Variants in SPOCK3 observed in about 807,000 individuals in gnomAD.
SPOCK3 encodes the protein testican-3.
A neutral mutation model predicts 56.6 loss-of-function variants in SPOCK3; 30 were observed. That is an observed-to-expected ratio of 0.53 (90% CI 0.40 to 0.72). The LOEUF is 0.72. Ranked by LOEUF, SPOCK3 falls within the 30% of genes least tolerant of loss-of-function variation. The pLI is 0.00. For missense variants in SPOCK3, 527 were observed against 530.0 expected, an observed-to-expected ratio of 0.99 and a Z score of 0.06; for synonymous variants, 196 against 183.3, an observed-to-expected ratio of 1.07 and a Z score of -0.56.
rs112074320 is a variant in SPOCK3, at chr4:167,165,091, G to A, written c.189+68894C>T. On this transcript the variant is annotated intron_variant, in intron 2 of 10. Coordinates refer to ENST00000357545, the MANE Select transcript of SPOCK3 (RefSeq NM_001040159.2). ...AGTGTTCATATTTCTCCACAAATTC[G>A]CCAGCATCTATTGTTTTCTGACTTT... 8.0e-3 allele frequency among the ~76,000 whole-genome samples: 1,213 copies of A among 152,026 alleles called. 20 individuals are homozygous for A. The highest frequency in any genetic ancestry group is 0.027 in the African/African-American group (1,135 of 41,486).
intron 2 of SPOCK3, among the ~76,000 whole-genome samples, chr4:167,221,702 T>C (rs1271102450): frequency 2.0e-5 from 3 of 152,178 alleles, no homozygotes. Flanking sequence ...TATGAAAATA[T>C]GCTCAACATT....
At chr4:166,973,356 T>A (rs1374256118) in intron 4 of SPOCK3, among the ~76,000 whole-genome samples, 6 of 152,132 alleles carry the variant, frequency 3.9e-5, no homozygotes, top group African/African-American at 1.4e-4. Context: ...AGTGTGAAAG[T>A]GAATTAATAC....
In SPOCK3 at chr4:166,994,081, T is replaced by G. The variant is rs1393264989; in HGVS notation, c.350+6268A>C. Among the ~76,000 whole-genome samples, 5 of 152,102 alleles carry G rather than the reference T, an allele frequency of 3.3e-5. No homozygotes were observed. The East Asian group carries it at 9.7e-4, about 29-fold the overall frequency. Reference sequence around the variant, plus strand: ...CCATTAACCATTATGCTGAAAAGCCTTCTCAGAAACGGAGTCTGCCAGAAG... The same window carrying G: ...CCATTAACCATTATGCTGAAAAGCCGTCTCAGAAACGGAGTCTGCCAGAAG... On this transcript the variant is annotated intron_variant, in intron 4 of 10. Coordinates refer to ENST00000357545, the MANE Select transcript of SPOCK3 (RefSeq NM_001040159.2).
chr4:167,056,794 C>A (rs1754926521), intron 3 of SPOCK3, among the ~76,000 whole-genome samples: 1 of 152,086 alleles, frequency 6.6e-6, no homozygotes. Flanking sequence ...TGTGAAAAGA[C>A]CAAATCTACG....
At chr4:167,121,934 A>G (rs1028154704) in intron 2 of SPOCK3, among the ~76,000 whole-genome samples, 3 of 152,298 alleles carry the variant, frequency 2.0e-5, no homozygotes, top group East Asian at 1.9e-4. Context: ...AATCATTCAC[A>G]TAATGTCAGA....
At chr4:166,833,852 A>T (rs1350554918) in intron 6 of SPOCK3, among the ~76,000 whole-genome samples, 1 of 152,090 alleles carries the variant, frequency 6.6e-6, no homozygotes, top group Non-Finnish European at 1.5e-5. Flanking sequence ...GTTTGGGCAC[A>T]TGTCATGTCA....
At chr4:167,108,031 T>C (rs938362859) in intron 2 of SPOCK3, among the ~76,000 whole-genome samples, 1 of 151,826 alleles carries the variant, frequency 6.6e-6, no homozygotes, top group Non-Finnish European at 1.5e-5. Context: ...GACATACAAA[T>C]GGCAAACAGG....
chr4:166,997,959 T>G, intron 4 of SPOCK3, among the ~76,000 whole-genome samples: 1 of 152,172 alleles, frequency 6.6e-6, no homozygotes, highest in East Asian at 1.9e-4. Flanking sequence ...CTTTCCCTGC[T>G]TTCTCTACCA....
At chr4:166,984,777 T>G (rs1389950032) in intron 4 of SPOCK3, among the ~76,000 whole-genome samples, 1 of 152,170 alleles carries the variant, frequency 6.6e-6, no homozygotes, top group Non-Finnish European at 1.5e-5. Context: ...CAATGTTGTT[T>G]GTCTATACAA....
At chr4:166,989,970 G>A (rs2150109605) in intron 4 of SPOCK3, among the ~76,000 whole-genome samples, 1 of 152,242 alleles carries the variant, frequency 6.6e-6, no homozygotes, top group South Asian at 2.1e-4. Context: ...AGAAAGGGAA[G>A]GGGGAAGCAG....
At chr4:166,805,057 A>G (rs1743014719) in intron 6 of SPOCK3, among the ~76,000 whole-genome samples, 1 of 152,120 alleles carries the variant, frequency 6.6e-6, no homozygotes, top group Non-Finnish European at 1.5e-5. Context: ...TTACAACAGA[A>G]CAATATTTTC....
chr4:167,107,305 T>G (rs1760250580), intron 2 of SPOCK3, among the ~76,000 whole-genome samples: 1 of 151,896 alleles, frequency 6.6e-6, no homozygotes. Flanking sequence ...TCATTAGTCA[T>G]GACCAAGTGG....
chr4:167,037,410 G>A (rs1041289456), intron 3 of SPOCK3, among the ~76,000 whole-genome samples: 2 of 151,788 alleles, frequency 1.3e-5, no homozygotes, highest in Admixed American at 1.3e-4. Context: ...TGAACCCTGG[G>A]GGCGGAGGTT....
At chr4:167,022,316 A>C (rs532907429) in intron 3 of SPOCK3, among the ~76,000 whole-genome samples, 4 of 151,152 alleles carry the variant, frequency 2.6e-5, no homozygotes, top group East Asian at 1.9e-4. Context: ...CTGTTCTGCA[A>C]CTGAAAAATA....
At chr4:167,217,814 G>T (rs1360032722) in intron 2 of SPOCK3, among the ~76,000 whole-genome samples, 1 of 151,760 alleles carries the variant, frequency 6.6e-6, no homozygotes, top group East Asian at 1.9e-4. Flanking sequence ...ATACTAAATG[G>T]CTATACATGA....
chr4:167,033,206 G>A (rs958947040), intron 3 of SPOCK3, among the ~76,000 whole-genome samples: 3 of 151,462 alleles, frequency 2.0e-5, no homozygotes, highest in Admixed American at 2.0e-4. Flanking sequence ...AAACTAAAAG[G>A]AATTCTTCCC....
intron 2 of SPOCK3, among the ~76,000 whole-genome samples, chr4:167,200,254 C>T (rs1010066882): frequency 6.6e-6 from 1 of 151,986 alleles, no homozygotes; most frequent in African/African-American, 2.4e-5. Context: ...TTAGATATTT[C>T]TATGTATTCA....
chr4:166,827,332 G>A (rs1164046011), intron 6 of SPOCK3, among the ~76,000 whole-genome samples: 2 of 152,090 alleles, frequency 1.3e-5, no homozygotes, highest in Non-Finnish European at 2.9e-5. Context: ...GATAAGAAGA[G>A]GTAATTAAGA....
chr4:167,152,792 T>C (rs1458289105), intron 2 of SPOCK3, among the ~76,000 whole-genome samples: 1 of 152,140 alleles, frequency 6.6e-6, no homozygotes, highest in East Asian at 1.9e-4. Flanking sequence ...CTAATATCTA[T>C]CTTAATATAT....
Sources: gnomAD v4.1 joint callset for allele counts (sites outside exome capture counted in the v4.1 genomes callset) on GRCh38, gnomAD v4.1.1 for gene constraint, MANE v1.5 for transcripts, NCBI Gene and HGNC (gene_info 2026-07-23, HGNC 2026-07-21) for gene names.